ANK3: variants seen among roughly 807,000 people sequenced by gnomAD.
The protein encoded by ANK3 is ankyrin-3.
In ANK3, 57 loss-of-function variants were observed where a neutral mutation model predicts 370.9. The ratio of observed to expected loss-of-function variants is 0.15; its 90% CI spans 0.12 to 0.19. The LOEUF (loss-of-function observed/expected upper bound fraction) is 0.19. ANK3 is among the 10% of genes least tolerant of loss of function. The probability of loss-of-function intolerance (pLI) is 1.00; values close to 1 mark genes in which losing one functional copy is unlikely to be tolerated. For missense variants in ANK3, 4,439 were observed against 5,302.1 expected, an observed-to-expected ratio of 0.84 and a Z score of 5.06; for synonymous variants, 1,929 against 1,946.3, an observed-to-expected ratio of 0.99 and a Z score of 0.23.
intron 12 of ANK3, 109 bp from the exon 13 acceptor site, chr10:60,200,336 T>G (rs2096652967): frequency 1.0e-5 from 8 of 800,474 alleles, no homozygotes; most frequent in Non-Finnish European, 1.5e-5. Flanking sequence ...AAAATAGTCC[T>G]AAGCACTTCC....
intron 28 of ANK3, among the ~76,000 whole-genome samples, chr10:60,103,856 G>A (rs901031776): frequency 6.6e-6 from 1 of 152,272 alleles, no homozygotes; most frequent in East Asian, 1.9e-4. Context: ...TAGAATCCAA[G>A]ACAGAAGATT....
At chr10:60,368,754 A>T (rs1470684855) in intron 1 of ANK3, among the ~76,000 whole-genome samples, 1 of 152,204 alleles carries the variant, frequency 6.6e-6, no homozygotes. Context: ...TGCATGGCTG[A>T]GTTTTAAATC....
intron 2 of ANK3, among the ~76,000 whole-genome samples, chr10:60,501,833 G>C (rs964459031): frequency 9.2e-5 from 14 of 151,928 alleles, no homozygotes; most frequent in African/African-American, 3.4e-4. Context: ...AAAGAAAATT[G>C]AAAAATAGCC....
chr10:60,298,501 G>A (rs117318553), intron 1 of ANK3, among the ~76,000 whole-genome samples: 2,932 of 152,278 alleles, frequency 0.019, 41 homozygotes, highest in South Asian at 0.047. Context: ...TACAGCAATA[G>A]TATATGCTAC....
At chr10:60,600,257 T>C (rs201796844) in intron 2 of ANK3, among the ~76,000 whole-genome samples, 1 of 152,192 alleles carries the variant, frequency 6.6e-6, no homozygotes, top group East Asian at 1.9e-4. Flanking sequence ...TTAATCAACA[T>C]TTGTTTAAAA....
chr10:60,219,970 G>A (rs1165637068), intron 8 of ANK3, among the ~76,000 whole-genome samples: 1 of 152,098 alleles, frequency 6.6e-6, no homozygotes, highest in East Asian at 1.9e-4. Flanking sequence ...TGCCTTTTAT[G>A]TTGATTTAAA....
intron 7 of ANK3, among the ~76,000 whole-genome samples, chr10:60,251,994 A>G (rs1268423418): frequency 2.0e-5 from 3 of 152,092 alleles, no homozygotes; most frequent in Admixed American, 6.6e-5. Context: ...TATTTCCATC[A>G]CAGTCTAGCT....
chr10:60,132,687 G>T (rs917894913), intron 25 of ANK3, among the ~76,000 whole-genome samples: 3 of 151,538 alleles, frequency 2.0e-5, no homozygotes, highest in Admixed American at 1.3e-4. Context: ...TGCAATCTTG[G>T]CTCACTGCAA....
chr10:60,311,629 T>C (rs1199325552), intron 1 of ANK3, among the ~76,000 whole-genome samples: 1 of 152,170 alleles, frequency 6.6e-6, no homozygotes, highest in African/African-American at 2.4e-5. Context: ...CTAGTACGTC[T>C]CCCCTCTGCC....
chr10:60,188,325 T>C (rs960395487), intron 16 of ANK3, among the ~76,000 whole-genome samples: 3 of 152,192 alleles, frequency 2.0e-5, no homozygotes, highest in African/African-American at 7.2e-5. Flanking sequence ...TTGGGGGATG[T>C]TGCCCTGGTT....
At chr10:60,213,668 T>G (rs2096890945) in intron 8 of ANK3, among the ~76,000 whole-genome samples, 158 bp from the exon 9 acceptor site, 1 of 152,224 alleles carries the variant, frequency 6.6e-6, no homozygotes, top group South Asian at 2.1e-4. Context: ...TATTTTAGGT[T>G]GAAAACTACA....
chr10:60,294,268 G>A (rs949674476), intron 1 of ANK3, among the ~76,000 whole-genome samples: 1 of 152,046 alleles, frequency 6.6e-6, no homozygotes, highest in African/African-American at 2.4e-5. Context: ...TATATGGTGC[G>A]AATCAGATAG....
intron 2 of ANK3, among the ~76,000 whole-genome samples, chr10:60,552,788 T>C (rs2077116995): frequency 6.6e-6 from 1 of 152,220 alleles, no homozygotes; most frequent in African/African-American, 2.4e-5. Flanking sequence ...GCTCCCATAA[T>C]TCCCACATGT....
intron 1 of ANK3, among the ~76,000 whole-genome samples, chr10:60,717,742 T>C (rs2079809993): frequency 6.6e-6 from 1 of 152,166 alleles, no homozygotes; most frequent in South Asian, 2.1e-4. Flanking sequence ...TTACCACTCA[T>C]GAAAACTATT....
chr10:60,230,830 A>C (rs570300824), intron 8 of ANK3, among the ~76,000 whole-genome samples: 1 of 151,530 alleles, frequency 6.6e-6, no homozygotes, highest in East Asian at 1.9e-4. Flanking sequence ...TGGAGCTTGC[A>C]GTGAGCCGAG....
rs543735231 is a variant in ANK3 at position 60,591,886 on chromosome 10, G to A, written c.96+23300C>T. Among the ~76,000 whole-genome samples, 35 of 152,164 alleles carry A rather than the reference G, an allele frequency of 2.3e-4. No homozygotes were observed. The South Asian group carries it at 6.4e-3, about 28-fold the overall frequency. On this transcript the variant is annotated intron_variant, in intron 2 of 43. Coordinates refer to the ANK3 transcript ENST00000373827. ...GATCTAAAAATCAAGTCAATTAAACGCATGGACATAGAGAGCAGAAGCATG... is the reference window on the plus strand; with the variant it reads ...GATCTAAAAATCAAGTCAATTAAACACATGGACATAGAGAGCAGAAGCATG...
intron 2 of ANK3, among the ~76,000 whole-genome samples, chr10:60,611,374 C>G (rs1042890263): frequency 5.9e-5 from 9 of 152,124 alleles, no homozygotes; most frequent in African/African-American, 2.2e-4. Context: ...TCAGAGTGCT[C>G]GCACTTCTGA....
rs2072674799 is a variant in ANK3 at position 60,028,883 on chromosome 10, T to TTTCA, written c.*959_*962dup. The TTTCA allele has an allele frequency of 2.0e-5, 3 of 152,446 alleles. No homozygotes were observed. The highest frequency in any genetic ancestry group is 7.3e-5 in the African/African-American group (3 of 41,372). 9.4% of individuals were successfully genotyped at this position (152,446 alleles called of 1,614,324 possible). On this transcript the variant is annotated 3_prime_UTR_variant, in exon 44 of 44. Coordinates refer to ENST00000280772, the MANE Select transcript of ANK3 (RefSeq NM_020987.5). Reference sequence around the variant, plus strand: ...ATTTTTTTTTGTTGTTTTTAGGTCATTTCATTGAAAAATTGGCAATAGCAA... The same window carrying TTTCA: ...ATTTTTTTTTGTTGTTTTTAGGTCATTTCATTCATTGAAAAATTGGCAATAGCAA...
At chr10:60,579,699 T>C (rs1297928789) in intron 2 of ANK3, among the ~76,000 whole-genome samples, 2 of 152,178 alleles carry the variant, frequency 1.3e-5, no homozygotes, top group East Asian at 3.8e-4. Flanking sequence ...CATATAGTCT[T>C]CTGGATTTGT....
Sources: gnomAD v4.1 joint callset for allele counts (sites outside exome capture counted in the v4.1 genomes callset) on GRCh38, gnomAD v4.1.1 for gene constraint, MANE v1.5 for transcripts, NCBI Gene and HGNC (gene_info 2026-07-23, HGNC 2026-07-21) for gene names.